Variants in KMT5A observed in about 807,000 individuals in gnomAD.
The protein encoded by KMT5A is N-lysine methyltransferase KMT5A.
KMT5A carries 6 observed loss-of-function variants against 40.6 expected under a neutral mutation model. The ratio of observed to expected loss-of-function variants is 0.15; its 90% confidence interval spans 0.08 to 0.29. The LOEUF is 0.29. Among genes scored for constraint, KMT5A ranks in the 10% least tolerant of loss-of-function variants. The pLI is 1.00. For missense variants in KMT5A, 308 were observed against 459.1 expected (o/e 0.67, Z 3.01); for synonymous variants, 153 against 178.8 (o/e 0.86, Z 1.15).
Position 123,395,398 on chromosome 12 carries a change from C to A in KMT5A, c.509+132C>A, listed in dbSNP as rs1331752447. 1.8e-5 allele frequency: 16 copies of A among 894,730 alleles called. No individual in the cohort carries two copies. In the East Asian group the frequency reaches 4.2e-4, roughly 24 times the overall value. The allele number at this position is 894,730 out of a possible 1,614,324, so 55.4% of individuals were successfully genotyped here. ...CTCTCTCATGTCAAAGACTCAGATGCCCCGAGTCATCAGCAGGGATGCCAC... is the reference window on the plus strand; with the variant it reads ...CTCTCTCATGTCAAAGACTCAGATGACCCGAGTCATCAGCAGGGATGCCAC... On this transcript the variant is annotated intron_variant, in intron 4 of 7. Coordinates refer to ENST00000402868, the MANE Select transcript of KMT5A (RefSeq NM_020382.7).
chr12:123,409,116 C>G lies in KMT5A; in HGVS notation c.*1413C>G, dbSNP rs147353607. 0.019 allele frequency: 2,888 copies of G among 152,560 alleles called. 55 individuals are homozygous for G. Among genetic ancestry groups the G allele is most frequent in the Non-Finnish European group, 0.025 (1,731 of 68,020 alleles). The allele number at this position is 152,560 out of a possible 1,614,324, so 9.5% of individuals were successfully genotyped here. A position where few individuals can be genotyped will look rare whatever the true frequency, so the allele number is the denominator to read the frequency against. On this transcript the variant is annotated 3_prime_UTR_variant, in exon 8 of 8. Coordinates refer to ENST00000402868, the MANE Select transcript of KMT5A (RefSeq NM_020382.7). ...GGCTGTCCTCGTCTTTGATTCCCCC[C>G]CAACCCCACCTCGGGCCTCACGACG...
intron 7 of KMT5A, 145 bp from the exon 8 acceptor site, chr12:123,407,348 A>G: frequency 1.1e-6 from 1 of 870,198 alleles, no homozygotes; most frequent in Non-Finnish European, 1.8e-6. Context: ...AAAAAGGAAA[A>G]AGAAAATAGC....
intron 7 of KMT5A, 87 bp downstream of exon 7, chr12:123,405,161 G>A: frequency 7.5e-7 from 1 of 1,330,916 alleles, no homozygotes; most frequent in South Asian, 1.5e-5. Flanking sequence ...ATTCTGTTTG[G>A]TGGCCAGTCT....
intron 5 of KMT5A, 57 bp from the exon 6 acceptor site, chr12:123,403,516 T>G: frequency 6.3e-7 from 1 of 1,582,514 alleles, no homozygotes; most frequent in Non-Finnish European, 8.7e-7. Context: ...ACCATCAAGC[T>G]ACGCACGATG....
chr12:123,387,499 T>C (rs535039301), intron 1 of KMT5A, among the ~76,000 whole-genome samples: 7 of 152,344 alleles, frequency 4.6e-5, no homozygotes, highest in Non-Finnish European at 8.8e-5. Context: ...AACCTGGTTA[T>C]CAGAGTGTCA....
At chr12:123,390,980 C>G (rs1877275405) in intron 3 of KMT5A, 194 bp downstream of exon 3, 1 of 595,456 alleles carries the variant, frequency 1.7e-6, no homozygotes, top group African/African-American at 1.9e-5. Context: ...GACAGGTTTT[C>G]CCTGCTTTCA....
intron 1 of KMT5A, among the ~76,000 whole-genome samples, chr12:123,387,350 T>C (rs1395134985): frequency 6.6e-6 from 1 of 151,926 alleles, no homozygotes; most frequent in Non-Finnish European, 1.5e-5. Context: ...GGGCGTGGGG[T>C]GTGGCTCGGT....
At chr12:123,401,342 G>A (rs1395754986) in intron 5 of KMT5A, among the ~76,000 whole-genome samples, 1 of 150,186 alleles carries the variant, frequency 6.7e-6, no homozygotes, top group African/African-American at 2.4e-5. Context: ...TAGAGATGGG[G>A]TTTCACCATG....
At chr12:123,390,530 CG>C in intron 2 of KMT5A, 99 bp from the exon 3 acceptor site, 5 of 1,441,918 alleles carry the variant, frequency 3.5e-6, no homozygotes, top group Non-Finnish European at 4.7e-6. Flanking sequence ...TTTTGAAAAA[CG>C]GTGTTGTCTG....
At chr12:123,404,153 A>C (rs1384383952) in intron 6 of KMT5A, among the ~76,000 whole-genome samples, 1 of 152,170 alleles carries the variant, frequency 6.6e-6, no homozygotes, top group Admixed American at 6.6e-5. Context: ...ATACATTTTT[A>C]AACTGTTTTC....
chr12:123,389,689 GC>G, intron 2 of KMT5A, 135 bp downstream of exon 2: 2 of 582,950 alleles, frequency 3.4e-6, no homozygotes, highest in Non-Finnish European at 4.4e-6. Context: ...TGGGAGTGGC[GC>G]CCACACGGCT....
intron 5 of KMT5A, among the ~76,000 whole-genome samples, chr12:123,401,964 C>T (rs1171699559): frequency 6.6e-6 from 1 of 152,136 alleles, no homozygotes; most frequent in Non-Finnish European, 1.5e-5. Flanking sequence ...CTCACTGCAG[C>T]CTCAACCTCC....
chr12:123,392,756 G>A (rs1877405662), intron 3 of KMT5A, among the ~76,000 whole-genome samples: 1 of 152,156 alleles, frequency 6.6e-6, no homozygotes, highest in African/African-American at 2.4e-5. Context: ...TACAGACTGA[G>A]TGATAGATAA....
chr12:123,384,263 G>T lies in KMT5A; in HGVS notation c.10+55G>T. ...GGCTGGGTCGGGGGTCGTGCTGGAG[G>T]GGTTGCCGGGGTGGAGGCAGCGGCT... is the stretch of plus-strand genomic sequence containing the variant. On this transcript the variant is annotated intron_variant, in intron 1 of 7. Coordinates refer to ENST00000402868, the MANE Select transcript of KMT5A (RefSeq NM_020382.7). The surrounding 1 kb of genome is among the most constrained non-coding windows in gnomAD (Gnocchi z 5.7). 1 of 1,604,422 alleles carries T rather than the reference G, an allele frequency of 6.2e-7. No individual in the cohort carries two copies. Among genetic ancestry groups the T allele is most frequent in the Non-Finnish European group, 8.5e-7 (1 of 1,176,778 alleles).
chr12:123,392,518 G>T (rs1439949752), intron 3 of KMT5A, among the ~76,000 whole-genome samples: 1 of 151,938 alleles, frequency 6.6e-6, no homozygotes, highest in Non-Finnish European at 1.5e-5. Flanking sequence ...AAAAAAATTA[G>T]CCTGGCATGG....
intron 2 of KMT5A, chr12:123,390,066 G>A: frequency 2.1e-6 from 1 of 468,596 alleles, no homozygotes; most frequent in South Asian, 1.5e-5. Context: ...TGTGGCTCCT[G>A]CTCTTCCCAG....
rs1054618761 is a variant in KMT5A, at chr12:123,390,750, G to C, written c.253G>C (p.Gly85Arg). 3.0e-5 allele frequency: 48 copies of C among 1,613,828 alleles called. No homozygotes were observed. The highest frequency in any genetic ancestry group is 3.8e-5 in the Non-Finnish European group (45 of 1,179,852). ...SVTHHEVKCQ[G>R]KPLAGIYRKR... ...TACACATCACGAAGTCAAATGCCAGGGGAAACCATTAGCCGGAATCTACAG... is the reference window on the plus strand; with the variant it reads ...TACACATCACGAAGTCAAATGCCAGCGGAAACCATTAGCCGGAATCTACAG... Residue 85 changes from glycine to arginine, a missense_variant, in exon 3 of 8, where the codon GGG (glycine) becomes CGG (arginine). Gly to Arg is a moderately radical substitution (Grantham distance 125). Around this residue, in one of 4 missense-constraint regions of KMT5A, gnomAD observed 127 missense variants for 129.8 expected, o/e 0.98. Coordinates refer to ENST00000402868, the MANE Select transcript of KMT5A (RefSeq NM_020382.7).
intron 3 of KMT5A, chr12:123,391,231 G>A (rs758404225): frequency 6.3e-6 from 1 of 159,324 alleles, no homozygotes; most frequent in Non-Finnish European, 1.4e-5. Flanking sequence ...TTCCGCTCTC[G>A]TCCCTCAGGC....
At chr12:123,396,032 G>A (rs1201750516) in intron 4 of KMT5A, among the ~76,000 whole-genome samples, 1 of 152,080 alleles carries the variant, frequency 6.6e-6, no homozygotes, top group East Asian at 1.9e-4. Context: ...TTTTTTTAGA[G>A]ACGGGGTTTT....
Sources: gnomAD v4.1 joint callset for allele counts (sites outside exome capture counted in the v4.1 genomes callset) on GRCh38, gnomAD v4.1.1 for gene constraint, gnomAD v4.1.1 regional missense constraint, Gnocchi (gnomAD v3.1) non-coding constraint, MANE v1.5 for transcripts, NCBI Gene and HGNC (gene_info 2026-07-23, HGNC 2026-07-21) for gene names.